The following RNGTT variants were observed in gnomAD, a reference collection of about 807,000 sequenced individuals.
RNGTT encodes mRNA-capping enzyme.
Under a neutral mutation model 79.3 loss-of-function variants are expected in RNGTT, and 33 were observed. That is an observed-to-expected ratio of 0.42 (90% CI 0.32 to 0.56). RNGTT has a LOEUF of 0.56. RNGTT is among the 20% of genes least tolerant of loss of function. The pLI is 0.17. For synonymous variants in RNGTT, 222 were observed against 235.9 expected, an observed-to-expected ratio of 0.94 and a Z score of 0.54; for missense variants, 497 against 739.1, an observed-to-expected ratio of 0.67 and a Z score of 3.80.
intron 12 of RNGTT, among the ~76,000 whole-genome samples, chr6:88,785,716 G>A (rs547054550): frequency 1.3e-5 from 2 of 152,124 alleles, no homozygotes; most frequent in Non-Finnish European, 2.9e-5. Flanking sequence ...CCTTGCTACA[G>A]AGGAAAACCA....
intron 13 of RNGTT, among the ~76,000 whole-genome samples, chr6:88,700,551 G>A (rs181958009): frequency 6.6e-6 from 1 of 152,146 alleles, no homozygotes; most frequent in Admixed American, 6.6e-5. Flanking sequence ...GCAGTTACAA[G>A]GTCAGGAAAG....
intron 14 of RNGTT, among the ~76,000 whole-genome samples, chr6:88,647,400 T>C (rs886632065): frequency 1.3e-5 from 2 of 152,074 alleles, no homozygotes; most frequent in African/African-American, 2.4e-5. Flanking sequence ...AAGGGTGCAA[T>C]GATCTGATTT....
intron 1 of RNGTT, 124 bp from the exon 2 acceptor site, chr6:88,941,304 G>T: frequency 1.6e-6 from 1 of 642,828 alleles, no homozygotes; most frequent in Non-Finnish European, 2.7e-6. Context: ...GTGTCGCTCT[G>T]TCCCCCAGGA....
At chr6:88,737,954 C>CACAT in intron 13 of RNGTT, among the ~76,000 whole-genome samples, 3 of 152,248 alleles carry the variant, frequency 2.0e-5, no homozygotes. Flanking sequence ...TGTAACTTTT[C>CACAT]AGTGTTTAAG....
chr6:88,859,146 C>T (rs899289190), intron 8 of RNGTT, among the ~76,000 whole-genome samples: 1 of 151,850 alleles, frequency 6.6e-6, no homozygotes, highest in African/African-American at 2.4e-5. Flanking sequence ...CATAAGTCAC[C>T]GTACTCAGTC....
At chr6:88,830,954 C>A (rs1780841635) in intron 11 of RNGTT, among the ~76,000 whole-genome samples, 1 of 152,144 alleles carries the variant, frequency 6.6e-6, no homozygotes, top group African/African-American at 2.4e-5. Context: ...TAATAGCCTA[C>A]CAACCAAAAA....
chr6:88,859,319 G>A (rs1033348668), intron 8 of RNGTT, among the ~76,000 whole-genome samples: 14 of 152,028 alleles, frequency 9.2e-5, no homozygotes, highest in African/African-American at 2.9e-4. Context: ...TGGTTACAAA[G>A]ATACTGGAAA....
chr6:88,708,080 T>G (rs1582362744), intron 13 of RNGTT, among the ~76,000 whole-genome samples: 1 of 152,150 alleles, frequency 6.6e-6, no homozygotes, highest in East Asian at 1.9e-4. Context: ...TTTAATAGTA[T>G]GCTTGAACTG....
Position 88,611,118 on chromosome 6 carries a change from CA to C in RNGTT, c.*1600del, listed in dbSNP as rs1027811777. ...TTTTGGATAAATTCACTATACATTA[CA>C]TGACTTGGGAACAACGAAGAAAAAA... On this transcript the variant is annotated 3_prime_UTR_variant, in exon 16 of 16. Coordinates refer to ENST00000369485, the MANE Select transcript of RNGTT (RefSeq NM_003800.5). 2.6e-5 allele frequency: 4 copies of C among 152,222 alleles called. No homozygotes were observed. The highest frequency in any genetic ancestry group is 5.9e-5 in the Non-Finnish European group (4 of 68,032). 9.4% of individuals were successfully genotyped at this position (152,222 alleles called of 1,614,324 possible).
chr6:88,731,526 C>T (rs1162249319), intron 13 of RNGTT, among the ~76,000 whole-genome samples: 1 of 151,950 alleles, frequency 6.6e-6, no homozygotes, highest in African/African-American at 2.4e-5. Flanking sequence ...TATGCAAGAA[C>T]AAATTGTTAA....
chr6:88,662,514 A>G (rs995008624), intron 14 of RNGTT, among the ~76,000 whole-genome samples: 8 of 152,326 alleles, frequency 5.3e-5, no homozygotes, highest in African/African-American at 1.9e-4. Flanking sequence ...CGAGTCTACC[A>G]ATGCTCCCAG....
At chr6:88,717,594 A>G (rs1776562302) in intron 13 of RNGTT, among the ~76,000 whole-genome samples, 1 of 152,156 alleles carries the variant, frequency 6.6e-6, no homozygotes, top group African/African-American at 2.4e-5. Context: ...CAAAATGATG[A>G]TCAATACTTT....
At chr6:88,691,278 G>A (rs1341501749) in intron 13 of RNGTT, among the ~76,000 whole-genome samples, 1 of 152,082 alleles carries the variant, frequency 6.6e-6, no homozygotes, top group Non-Finnish European at 1.5e-5. Flanking sequence ...CCTCCTTCCT[G>A]TTTGCCTTCC....
At chr6:88,946,513 A>G (rs531791328) in intron 1 of RNGTT, among the ~76,000 whole-genome samples, 1 of 152,346 alleles carries the variant, frequency 6.6e-6, no homozygotes, top group East Asian at 1.9e-4. Context: ...ATCAAAAACT[A>G]GAAATGATTA....
At chr6:88,779,626 T>A (rs1381823159) in intron 12 of RNGTT, among the ~76,000 whole-genome samples, 1 of 152,190 alleles carries the variant, frequency 6.6e-6, no homozygotes, top group Non-Finnish European at 1.5e-5. Flanking sequence ...ATCATTCATA[T>A]TAATTTGGAA....
intron 8 of RNGTT, among the ~76,000 whole-genome samples, chr6:88,858,791 G>A (rs1419714096): frequency 1.3e-5 from 2 of 152,216 alleles, no homozygotes; most frequent in South Asian, 2.1e-4. Flanking sequence ...CCCAGCACAG[G>A]TTGTAATGTG....
At chr6:88,907,062 C>A (rs913291453) in intron 4 of RNGTT, among the ~76,000 whole-genome samples, 1 of 152,082 alleles carries the variant, frequency 6.6e-6, no homozygotes, top group African/African-American at 2.4e-5. Flanking sequence ...CTCTAGAAAC[C>A]AACTAACTGT....
At chr6:88,874,138 T>C (rs765082670) in intron 8 of RNGTT, among the ~76,000 whole-genome samples, 1 of 152,134 alleles carries the variant, frequency 6.6e-6, no homozygotes, top group African/African-American at 2.4e-5. Flanking sequence ...TCAAATGATA[T>C]ACTCATTTGC....
chr6:88,924,663 T>C (rs1288850471), intron 4 of RNGTT, among the ~76,000 whole-genome samples: 1 of 151,978 alleles, frequency 6.6e-6, no homozygotes, highest in African/African-American at 2.4e-5. Flanking sequence ...CCTTCTGTTG[T>C]GTCTTTTGTT....
Sources: gnomAD v4.1 joint callset for allele counts (sites outside exome capture counted in the v4.1 genomes callset) on GRCh38, gnomAD v4.1.1 for gene constraint, MANE v1.5 for transcripts, NCBI Gene and HGNC (gene_info 2026-07-23, HGNC 2026-07-21) for gene names.